SLC8A1: variants seen among roughly 807,000 people sequenced by gnomAD.
SLC8A1 encodes the protein sodium/calcium exchanger 1.
In SLC8A1, 18 loss-of-function variants were observed where a neutral mutation model predicts 68.3. The observed-to-expected ratio is 0.26, with a 90% CI of 0.18 to 0.39. The LOEUF (loss-of-function observed/expected upper bound fraction) is 0.39, where lower values mean the gene tolerates loss of function less well. Ranked by LOEUF, SLC8A1 falls within the 10% of genes least tolerant of loss-of-function variation. SLC8A1 has a pLI of 1.00. For synonymous variants in SLC8A1, 475 were observed against 415.5 expected, an observed-to-expected ratio of 1.14 and a Z score of -1.74; for missense variants, 985 against 1,156.7, an observed-to-expected ratio of 0.85 and a Z score of 2.15.
chr2:40,352,151 T>C (rs767572391), intron 2 of SLC8A1, among the ~76,000 whole-genome samples: 3 of 152,294 alleles, frequency 2.0e-5, no homozygotes, highest in Non-Finnish European at 4.4e-5. Flanking sequence ...TCTTTTAAAA[T>C]TCATTCATAG....
rs902020901 is a variant in SLC8A1 at position 40,110,802 on chromosome 2, A to G, written c.*4451T>C. Reference sequence around the variant, plus strand: ...CCCAAAAATATTAAAAGAAGTCTTAAAGGGGCTGATTTATTCTCTTGAGAA... The same window carrying G: ...CCCAAAAATATTAAAAGAAGTCTTAGAGGGGCTGATTTATTCTCTTGAGAA... On this transcript the variant is annotated 3_prime_UTR_variant, in exon 8 of 8. Transcript: ENST00000406785. 8 of 152,276 alleles carry G rather than the reference A, an allele frequency of 5.3e-5. No homozygotes were observed. The South Asian group carries it at 1.7e-3, about 32-fold the overall frequency. 9.4% of individuals were successfully genotyped at this position (152,276 alleles called of 1,614,324 possible).
chr2:40,438,018 T>TA (rs1699764345), intron 1 of SLC8A1, among the ~76,000 whole-genome samples: 1 of 152,132 alleles, frequency 6.6e-6, no homozygotes, highest in African/African-American at 2.4e-5. Flanking sequence ...TGAAGTGGAC[T>TA]ACCTAGTCCC....
At position 40,403,783 on chromosome 2, in the gene SLC8A1, A is replaced by T. The variant is rs147122449; in HGVS notation, c.1808+24690T>A. Among the ~76,000 whole-genome samples the T allele has an allele frequency of 2.7e-3, 416 of 152,340 alleles. 1 individual carries two copies. Among genetic ancestry groups the T allele is most frequent in the Non-Finnish European group, 4.9e-3 (334 of 68,036 alleles). ...TCATAGAAAGCATTTTGGCATCCAA[A>T]ATATGTGTAACTAATAATGAATAAT... On this transcript the variant is annotated intron_variant, in intron 2 of 7. Transcript: ENST00000406785.
At chr2:40,360,404 A>G (rs1674246536) in intron 2 of SLC8A1, among the ~76,000 whole-genome samples, 1 of 152,136 alleles carries the variant, frequency 6.6e-6, no homozygotes, top group Non-Finnish European at 1.5e-5. Context: ...TAGTTTATAT[A>G]TTTATATGTG....
intron 2 of SLC8A1, among the ~76,000 whole-genome samples, chr2:40,305,027 G>C (rs1465380516): frequency 6.6e-6 from 1 of 152,180 alleles, no homozygotes; most frequent in African/African-American, 2.4e-5. Flanking sequence ...TGACTCAGTA[G>C]GTCTGGTGTG....
chr2:40,297,853 C>A (rs1441894328), intron 2 of SLC8A1, among the ~76,000 whole-genome samples: 1 of 152,108 alleles, frequency 6.6e-6, no homozygotes, highest in African/African-American at 2.4e-5. Flanking sequence ...CCAAACACAA[C>A]TGAGATGAAG....
chr2:40,165,588 G>A (rs1172861654), intron 4 of SLC8A1, among the ~76,000 whole-genome samples: 2 of 152,182 alleles, frequency 1.3e-5, no homozygotes, highest in African/African-American at 2.4e-5. Context: ...TGCTGCTTCA[G>A]TCTGGTGCAA....
chr2:40,364,498 A>C (rs939358225), intron 2 of SLC8A1, among the ~76,000 whole-genome samples: 4 of 91,430 alleles, frequency 4.4e-5, no homozygotes, highest in Non-Finnish European at 8.3e-5. Flanking sequence ...ACAATCTAAT[A>C]AAATTGAATC....
intron 2 of SLC8A1, among the ~76,000 whole-genome samples, chr2:40,417,173 ACTTTT>A (rs1694127081): frequency 6.6e-6 from 1 of 151,948 alleles, no homozygotes; most frequent in Non-Finnish European, 1.5e-5. Flanking sequence ...TTTTTATGTA[ACTTTT>A]CTTTTAGGTT....
intron 2 of SLC8A1, among the ~76,000 whole-genome samples, chr2:40,339,936 G>C (rs1330644806): frequency 1.3e-5 from 2 of 152,236 alleles, no homozygotes; most frequent in East Asian, 1.9e-4. Flanking sequence ...GACAAAGCTA[G>C]GTCAATCAAA....
intron 6 of SLC8A1, among the ~76,000 whole-genome samples, chr2:40,157,106 T>C (rs796477710): frequency 7.2e-5 from 11 of 152,310 alleles, no homozygotes; most frequent in African/African-American, 2.2e-4. Context: ...TTTAGTCCCA[T>C]AGCTATTTTA....
chr2:40,465,383 A>T (rs1703607096), intron 1 of SLC8A1, among the ~76,000 whole-genome samples: 2 of 152,172 alleles, frequency 1.3e-5, no homozygotes, highest in African/African-American at 4.8e-5. Context: ...TACTGTGTAT[A>T]TTGAAGAAAA....
chr2:40,131,709 A>G (rs2039368212), intron 7 of SLC8A1, among the ~76,000 whole-genome samples: 1 of 152,146 alleles, frequency 6.6e-6, no homozygotes, highest in Non-Finnish European at 1.5e-5. Context: ...GGTGTCCTCA[A>G]CATGCCCTTC....
At chr2:40,507,742 G>A (rs543795219) in intron 1 of SLC8A1, among the ~76,000 whole-genome samples, 1 of 152,044 alleles carries the variant, frequency 6.6e-6, no homozygotes, top group South Asian at 2.1e-4. Flanking sequence ...ATCTCATAGG[G>A]CTAATTGTCA....
At chr2:40,238,732 G>C (rs2060792900) in intron 2 of SLC8A1, among the ~76,000 whole-genome samples, 1 of 152,030 alleles carries the variant, frequency 6.6e-6, no homozygotes, top group African/African-American at 2.4e-5. Context: ...TTAAGTATGA[G>C]TTTCTATTAT....
intron 7 of SLC8A1, among the ~76,000 whole-genome samples, chr2:40,121,954 A>G (rs9309051): frequency 0.18 from 27,623 of 152,148 alleles, 2,681 homozygotes; most frequent in African/African-American, 0.23. Flanking sequence ...TAGAGCCCAA[A>G]TCTTACTAAT....
At chr2:40,199,601 G>A (rs2053745407) in intron 2 of SLC8A1, among the ~76,000 whole-genome samples, 3 of 151,484 alleles carry the variant, frequency 2.0e-5, no homozygotes, top group African/African-American at 7.3e-5. Context: ...TGTATGTGTA[G>A]GACTATAGGT....
At chr2:40,327,610 A>G (rs112003579) in intron 2 of SLC8A1, among the ~76,000 whole-genome samples, 3,040 of 152,302 alleles carry the variant, frequency 0.02, 98 homozygotes, top group African/African-American at 0.068. Context: ...TTGCAGCAAC[A>G]TGGATGCAGC....
exon 8 of SLC8A1, chr2:40,098,392 C>A (rs1449749061): frequency 6.6e-6 from 1 of 151,950 alleles, no homozygotes; most frequent in Non-Finnish European, 1.5e-5. Context: ...TTGCTAACTG[C>A]ACAACTTAAA....
Sources: gnomAD v4.1 joint callset for allele counts (sites outside exome capture counted in the v4.1 genomes callset) on GRCh38, gnomAD v4.1.1 for gene constraint, MANE v1.5 for transcripts, NCBI Gene and HGNC (gene_info 2026-07-23, HGNC 2026-07-21) for gene names.